Variants in XRN1 observed in about 807,000 individuals in gnomAD.
XRN1 encodes the protein 5'-3' exoribonuclease 1.
Under a neutral mutation model 222.3 loss-of-function variants are expected in XRN1, and 67 were observed. The ratio of observed to expected loss-of-function variants is 0.30; its 90% CI spans 0.25 to 0.37. XRN1 has a LOEUF of 0.37. Ranked by LOEUF, XRN1 falls within the 10% of genes least tolerant of loss-of-function variation. The pLI is 1.00. For synonymous variants in XRN1, 643 were observed against 652.4 expected, an observed-to-expected ratio of 0.99 and a Z score of 0.22; for missense variants, 1,707 against 2,000.2, an observed-to-expected ratio of 0.85 and a Z score of 2.80.
chr3:142,403,640 C>T (rs369016265), intron 18 of XRN1, 34 bp downstream of exon 18: 2 of 1,566,858 alleles, frequency 1.3e-6, no homozygotes, highest in Non-Finnish European at 8.8e-7. Context: ...ACATTATAGG[C>T]ATCTAATAAA....
chr3:142,433,720 G>T (rs553401261), intron 1 of XRN1, among the ~76,000 whole-genome samples: 30 of 152,250 alleles, frequency 2.0e-4, no homozygotes, highest in African/African-American at 6.3e-4. Context: ...TGTAATAAAA[G>T]AATCTTAGAA....
At chr3:142,363,487 T>G (rs1365089998) in intron 29 of XRN1, among the ~76,000 whole-genome samples, 8 of 152,202 alleles carry the variant, frequency 5.3e-5, no homozygotes, top group Admixed American at 5.2e-4. Flanking sequence ...GGGACTCTAA[T>G]TATATTCCAT....
intron 13 of XRN1, among the ~76,000 whole-genome samples, chr3:142,414,771 A>G (rs1198942031): frequency 6.6e-6 from 1 of 152,242 alleles, no homozygotes. Flanking sequence ...CTGGGATTAC[A>G]GGCGTAAGCC....
intron 1 of XRN1, among the ~76,000 whole-genome samples, chr3:142,433,182 T>C (rs2069705720): frequency 6.6e-6 from 1 of 152,230 alleles, no homozygotes. Context: ...AGTGCTTGGT[T>C]CATTTGGTAC....
Position 142,422,866 on chromosome 3 carries a change from T to G in XRN1, c.767A>C (p.Glu256Ala). The change falls in exon 7 of 41, where the codon GAG (glutamate) becomes GCG (alanine). Residue 256 changes from glutamate (E) to alanine (A), a missense_variant. Around this residue, in one of 2 missense-constraint regions of XRN1, gnomAD observed 1,234 missense variants for 1,518.2 expected, o/e 0.81. Coordinates refer to ENST00000392981, the MANE Select transcript of XRN1 (RefSeq NM_001282857.2). ...FHLLHLSLMR[E>A]YIDYEFSVLK... The stretch of plus-strand genomic sequence containing the variant: ...TACTGAAAACTCATAGTCAATATAC[T>G]CTCTCATTAAAGACAAGTGTAGAAG... The G allele has an allele frequency of 6.2e-7, 1 of 1,612,446 alleles. No individual in the cohort carries two copies. Among genetic ancestry groups the G allele is most frequent in the Non-Finnish European group, 8.5e-7 (1 of 1,178,926 alleles).
In XRN1 at chr3:142,353,507, T is replaced by C. The variant is rs1250105669; in HGVS notation, c.3768+1894A>G. 2.0e-5 allele frequency among the ~76,000 whole-genome samples: 3 copies of C among 152,084 alleles called. 1 individual carries two copies. The highest frequency in any genetic ancestry group is 4.1e-4 in the South Asian group (2 of 4,830). On this transcript the variant is annotated intron_variant, in intron 32 of 40. Coordinates refer to ENST00000392981, the MANE Select transcript of XRN1 (RefSeq NM_001282857.2). ...AGACACAAAGACCAATGGAACAGAATAGAGAACCCAGAAATAAAATGGCAT... is the reference window on the plus strand; with the variant it reads ...AGACACAAAGACCAATGGAACAGAACAGAGAACCCAGAAATAAAATGGCAT...
At chr3:142,371,205 C>T (rs1214593959) in intron 26 of XRN1, 34 bp downstream of exon 26, 2 of 1,515,384 alleles carry the variant, frequency 1.3e-6, no homozygotes, top group African/African-American at 2.8e-5. Flanking sequence ...CTGAATTGAA[C>T]TATGAGGTAA....
At chr3:142,346,233 T>A (rs755629520) in intron 33 of XRN1, among the ~76,000 whole-genome samples, 9 of 152,214 alleles carry the variant, frequency 5.9e-5, no homozygotes, top group Admixed American at 1.3e-4. Context: ...TGTCCCTCCA[T>A]ATCTGTGGAA....
intron 25 of XRN1, among the ~76,000 whole-genome samples, chr3:142,372,093 T>C (rs891438135): frequency 6.6e-6 from 1 of 152,112 alleles, no homozygotes; most frequent in African/African-American, 2.4e-5. Flanking sequence ...TAGTAAGATT[T>C]AAAGTTTGTA....
At chr3:142,441,871 G>A (rs1007252606) in intron 1 of XRN1, among the ~76,000 whole-genome samples, 10 of 152,160 alleles carry the variant, frequency 6.6e-5, no homozygotes, top group African/African-American at 1.9e-4. Flanking sequence ...TTCCCTTGAC[G>A]GATCCTGACC....
At chr3:142,360,899 C>T (rs368157379) in intron 29 of XRN1, among the ~76,000 whole-genome samples, 7 of 142,352 alleles carry the variant, frequency 4.9e-5, no homozygotes, top group Non-Finnish European at 9.2e-5. Context: ...AACCAAACAA[C>T]AACAAAACAG....
At chr3:142,446,694 C>T (rs1490791607) in intron 1 of XRN1, among the ~76,000 whole-genome samples, 2 of 152,172 alleles carry the variant, frequency 1.3e-5, no homozygotes, top group African/African-American at 2.4e-5. Context: ...TGGTTGTCTC[C>T]ATTTCTGCAA....
At chr3:142,391,040 T>G (rs1236555123) in intron 20 of XRN1, among the ~76,000 whole-genome samples, 1 of 152,142 alleles carries the variant, frequency 6.6e-6, no homozygotes, top group African/African-American at 2.4e-5. Flanking sequence ...CAAAAACAAT[T>G]ACAATAGTAA....
intron 25 of XRN1, among the ~76,000 whole-genome samples, chr3:142,374,129 A>C (rs1559827592): frequency 6.6e-6 from 1 of 152,230 alleles, no homozygotes; most frequent in Non-Finnish European, 1.5e-5. Context: ...CTACTGGAGT[A>C]AGTGCTCCAT....
intron 39 of XRN1, among the ~76,000 whole-genome samples, chr3:142,315,353 TC>T (rs1158716033): frequency 1.3e-5 from 2 of 151,926 alleles, no homozygotes; most frequent in Non-Finnish European, 2.9e-5. Flanking sequence ...AGATAGGCCT[TC>T]CAAAGTGCTG....
At position 142,391,753 on chromosome 3, in the gene XRN1, T is replaced by A. The variant is rs57914209; in HGVS notation, c.2339+5576A>T. ...CGTCTCACTAAAAAAAAAAAAAATA[T>A]ATATATATATATATATATATATGAA... On this transcript the variant is annotated intron_variant, in intron 20 of 40. Transcript: ENST00000392981. 5.1e-3 allele frequency among the ~76,000 whole-genome samples: 472 copies of A among 92,996 alleles called. 1 individual carries two copies. The highest frequency in any genetic ancestry group is 0.015 in the African/African-American group (441 of 30,030). 61.0% of individuals were successfully genotyped at this position (92,996 alleles called of 152,430 possible). A position where few individuals can be genotyped will look rare whatever the true frequency, so the allele number is the denominator to read the frequency against.
At chr3:142,318,500 C>T in intron 39 of XRN1, 92 bp downstream of exon 39, 1 of 1,172,118 alleles carries the variant, frequency 8.5e-7, no homozygotes, top group Non-Finnish European at 1.2e-6. Context: ...TTCTTACATT[C>T]CTAGATATTT....
intron 22 of XRN1, among the ~76,000 whole-genome samples, chr3:142,381,563 CTT>C (rs766961502): frequency 2.1e-4 from 18 of 84,200 alleles, no homozygotes; most frequent in East Asian, 1.0e-3. Flanking sequence ...TAAGTTATTG[CTT>C]TTTTTTTTTT....
At chr3:142,399,148 T>C (rs1031711978) in intron 19 of XRN1, among the ~76,000 whole-genome samples, 1 of 144,608 alleles carries the variant, frequency 6.9e-6, no homozygotes, top group African/African-American at 2.6e-5. Context: ...ACAATTCATA[T>C]AAAAATCCCT....
Sources: gnomAD v4.1 joint callset for allele counts (sites outside exome capture counted in the v4.1 genomes callset) on GRCh38, gnomAD v4.1.1 for gene constraint, gnomAD v4.1.1 regional missense constraint, MANE v1.5 for transcripts, NCBI Gene and HGNC (gene_info 2026-07-23, HGNC 2026-07-21) for gene names.